The following KIF26B variants were observed in gnomAD, a reference collection of about 807,000 sequenced individuals.
The protein encoded by KIF26B is kinesin family member 26B, also known as kinesin-like protein KIF26B.
In KIF26B, 63 loss-of-function variants were observed where a neutral mutation model predicts 151.2. The ratio of observed to expected loss-of-function variants is 0.42; its 90% CI spans 0.34 to 0.51. The LOEUF is 0.51. Ranked by LOEUF, KIF26B falls within the 20% of genes least tolerant of loss-of-function variation. The probability of loss-of-function intolerance (pLI) is 0.07; values close to 1 mark genes in which losing one functional copy is unlikely to be tolerated. For synonymous variants in KIF26B, 1,357 were observed against 1,262.1 expected (o/e 1.08, Z -1.59); for missense variants, 2,813 against 2,913.6 (o/e 0.97, Z 0.79).
intron 6 of KIF26B, 151 bp from the exon 7 acceptor site, chr1:245,607,500 A>G: frequency 1.7e-6 from 1 of 596,536 alleles, no homozygotes; most frequent in Non-Finnish European, 3.0e-6. Context: ...GGTTCTGAGC[A>G]TCTCCAAAAC....
chr1:245,664,631 C>T (rs752584702), intron 10 of KIF26B, among the ~76,000 whole-genome samples: 1 of 152,106 alleles, frequency 6.6e-6, no homozygotes, highest in Non-Finnish European at 1.5e-5. Flanking sequence ...TCAAAAATTA[C>T]TTTCAAACAT....
intron 2 of KIF26B, among the ~76,000 whole-genome samples, chr1:245,160,966 G>A (rs886634033): frequency 6.6e-6 from 1 of 152,140 alleles, no homozygotes; most frequent in Non-Finnish European, 1.5e-5. Context: ...TCCCCCAAAA[G>A]CCATCATAAA....
At chr1:245,473,554 C>A (rs1393443403) in intron 4 of KIF26B, among the ~76,000 whole-genome samples, 1 of 147,550 alleles carries the variant, frequency 6.8e-6, no homozygotes, top group Non-Finnish European at 1.5e-5. Context: ...TGACACAATT[C>A]ATCCCATTCT....
intron 4 of KIF26B, among the ~76,000 whole-genome samples, chr1:245,464,455 ATGTG>A (rs1558176471): frequency 1.4e-5 from 1 of 72,182 alleles, no homozygotes; most frequent in East Asian, 3.9e-4. Flanking sequence ...GTGGGTGTGT[ATGTG>A]TGCGTGCGCG....
intron 4 of KIF26B, among the ~76,000 whole-genome samples, chr1:245,497,105 A>G (rs1660528177): frequency 6.6e-6 from 1 of 150,730 alleles, no homozygotes; most frequent in Non-Finnish European, 1.5e-5. Flanking sequence ...GAGAGCCGAG[A>G]TTGCACCATT....
At chr1:245,697,963 C>T in intron 12 of KIF26B, 143 bp from the exon 13 acceptor site, 1 of 704,192 alleles carries the variant, frequency 1.4e-6, no homozygotes, top group African/African-American at 1.8e-5. Context: ...ATTGCTTGAG[C>T]CCAGGAATTC....
chr1:245,402,575 G>C (rs532709268), intron 3 of KIF26B, among the ~76,000 whole-genome samples: 1 of 152,170 alleles, frequency 6.6e-6, no homozygotes, highest in Admixed American at 6.5e-5. Flanking sequence ...GAGTGAGTGC[G>C]ATCCGTGAAC....
At chr1:245,694,096 G>A (rs1359366725) in intron 12 of KIF26B, among the ~76,000 whole-genome samples, 3 of 152,210 alleles carry the variant, frequency 2.0e-5, no homozygotes, top group Non-Finnish European at 2.9e-5. Context: ...CAGAGAACAC[G>A]GGAGGAAGCC....
intron 2 of KIF26B, among the ~76,000 whole-genome samples, chr1:245,346,588 A>G (rs1205220468): frequency 2.0e-5 from 3 of 152,094 alleles, no homozygotes; most frequent in Non-Finnish European, 4.4e-5. Context: ...CTTGTAGACA[A>G]TCCTTCGGTA....
At chr1:245,652,142 GT>G (rs869101138) in intron 10 of KIF26B, among the ~76,000 whole-genome samples, 51 of 131,006 alleles carry the variant, frequency 3.9e-4, no homozygotes, top group African/African-American at 1.4e-3. Flanking sequence ...GTGTGTGTGT[GT>G]GTGAGAGAGA....
Position 245,379,216 on chromosome 1 carries a change from G to A in KIF26B, c.999+11849G>A, listed in dbSNP as rs534360102. ...ACTTTCCATATGTACATCACATCTC[G>A]TGTGAGAATGTCATATTTTAAGTAG... On this transcript the variant is annotated intron_variant, in intron 3 of 14. Transcript: ENST00000407071. Among the ~76,000 whole-genome samples the A allele has an allele frequency of 1.2e-3, 177 of 152,220 alleles. 1 individual carries two copies. The highest frequency in any genetic ancestry group is 1.5e-3 in the Non-Finnish European group (105 of 68,022).
At chr1:245,208,200 G>C (rs997995517) in intron 2 of KIF26B, among the ~76,000 whole-genome samples, 2 of 152,144 alleles carry the variant, frequency 1.3e-5, no homozygotes, top group Non-Finnish European at 2.9e-5. Context: ...ACTTGGCTGG[G>C]GGTAAAATAA....
intron 2 of KIF26B, among the ~76,000 whole-genome samples, chr1:245,260,216 G>C (rs1400823304): frequency 2.0e-5 from 3 of 152,152 alleles, no homozygotes; most frequent in African/African-American, 7.2e-5. Flanking sequence ...ATAGGCTTCG[G>C]TAGAAGCGTG....
In KIF26B at chr1:245,354,525, C is replaced by T. The variant is rs114669085; in HGVS notation, c.466-12309C>T. Among the ~76,000 whole-genome samples the T allele has an allele frequency of 2.9e-3, 444 of 152,310 alleles. 3 individuals carry two copies. Among genetic ancestry groups the T allele is most frequent in the Non-Finnish European group, 4.7e-3 (318 of 68,024 alleles). ...GACACTGTCAGCGGCGCCTCTGTCACAAGGAAGGGCAATGTCCTGTGTAGC... is the reference window on the plus strand; with the variant it reads ...GACACTGTCAGCGGCGCCTCTGTCATAAGGAAGGGCAATGTCCTGTGTAGC... On this transcript the variant is annotated intron_variant, in intron 2 of 14. Transcript: ENST00000407071.
intron 2 of KIF26B, among the ~76,000 whole-genome samples, chr1:245,302,150 C>A (rs1671437181): frequency 6.6e-6 from 1 of 152,196 alleles, no homozygotes; most frequent in African/African-American, 2.4e-5. Flanking sequence ...ATCATCTTTC[C>A]CGCATTTCTA....
intron 10 of KIF26B, among the ~76,000 whole-genome samples, chr1:245,653,167 C>T (rs939569987): frequency 2.0e-5 from 3 of 152,126 alleles, no homozygotes; most frequent in Non-Finnish European, 4.4e-5. Flanking sequence ...AGGCAGACAG[C>T]GCCAGCTGTC....
At chr1:245,532,282 G>T (rs1572109471) in intron 4 of KIF26B, among the ~76,000 whole-genome samples, 2 of 116,828 alleles carry the variant, frequency 1.7e-5, no homozygotes, top group African/African-American at 6.8e-5. Context: ...GTCTTGCTCT[G>T]TCGCCCAGGC....
intron 2 of KIF26B, among the ~76,000 whole-genome samples, chr1:245,309,329 G>A (rs1671620629): frequency 6.6e-6 from 1 of 152,204 alleles, no homozygotes; most frequent in Non-Finnish European, 1.5e-5. Context: ...TGGTGCAGGT[G>A]AGTCTCATCC....
intron 2 of KIF26B, among the ~76,000 whole-genome samples, chr1:245,191,282 C>T (rs1262487384): frequency 6.6e-6 from 1 of 151,694 alleles, no homozygotes; most frequent in Non-Finnish European, 1.5e-5. Flanking sequence ...CGAGACCAGC[C>T]TGGCCAACAT....
Sources: allele counts gnomAD v4.1 joint callset (sites outside exome capture counted in the v4.1 genomes callset), GRCh38; gene constraint gnomAD v4.1.1; transcripts MANE v1.5; gene names NCBI Gene and HGNC (gene_info 2026-07-23, HGNC 2026-07-21).